The following LGR5 variants were observed in gnomAD, a reference collection of about 807,000 sequenced individuals.
LGR5 encodes the protein leucine rich repeat containing G protein-coupled receptor 5.
Under a neutral mutation model 76.7 loss-of-function variants are expected in LGR5, and 54 were observed. The observed-to-expected ratio is 0.70, with a 90% CI of 0.57 to 0.88. The LOEUF is 0.88. Ranked by LOEUF, LGR5 falls within the 40% of genes least tolerant of loss-of-function variation. LGR5 has a pLI of 0.00. For synonymous variants in LGR5, 406 were observed against 421.9 expected, an observed-to-expected ratio of 0.96 and a Z score of 0.46; for missense variants, 1,078 against 1,073.3, an observed-to-expected ratio of 1.00 and a Z score of -0.06.
At chr12:71,463,675 A>G (rs1872757007) in intron 1 of LGR5, among the ~76,000 whole-genome samples, 2 of 152,166 alleles carry the variant, frequency 1.3e-5, no homozygotes, top group Non-Finnish European at 2.9e-5. Flanking sequence ...CCAATTTACG[A>G]TAGTACTACA....
At chr12:71,525,363 G>T (rs1350313363) in intron 3 of LGR5, among the ~76,000 whole-genome samples, 4 of 151,536 alleles carry the variant, frequency 2.6e-5, no homozygotes. Context: ...TAGGAGATTG[G>T]GTTTGGTTTC....
At chr12:71,517,873 C>A (rs888266187) in intron 2 of LGR5, among the ~76,000 whole-genome samples, 26 of 151,516 alleles carry the variant, frequency 1.7e-4, no homozygotes, top group Non-Finnish European at 1.3e-4. Flanking sequence ...ATAATGTAAC[C>A]ATAAGTATAA....
At chr12:71,446,526 T>C (rs1353137512) in intron 1 of LGR5, among the ~76,000 whole-genome samples, 1 of 152,188 alleles carries the variant, frequency 6.6e-6, no homozygotes, top group Non-Finnish European at 1.5e-5. Context: ...ATAGTACCTC[T>C]TATTAGGTAA....
At chr12:71,466,255 G>A (rs1262103395) in intron 1 of LGR5, among the ~76,000 whole-genome samples, 2 of 152,194 alleles carry the variant, frequency 1.3e-5, no homozygotes, top group Non-Finnish European at 2.9e-5. Context: ...GAAGGAGCAA[G>A]GAGGATTATG....
intron 4 of LGR5, among the ~76,000 whole-genome samples, chr12:71,551,461 C>T (rs193007639): frequency 1.4e-3 from 214 of 152,288 alleles, no homozygotes; most frequent in Non-Finnish European, 2.7e-3. Flanking sequence ...CTACTCCTTC[C>T]TAATACGTGG....
intron 4 of LGR5, among the ~76,000 whole-genome samples, chr12:71,552,640 C>G (rs953525117): frequency 4.6e-5 from 7 of 151,774 alleles, no homozygotes; most frequent in African/African-American, 7.3e-5. Context: ...GCTTACTGAA[C>G]AGCTTATTAG....
chr12:71,512,319 C>A (rs1027648053), intron 2 of LGR5, among the ~76,000 whole-genome samples: 3 of 152,192 alleles, frequency 2.0e-5, no homozygotes, highest in African/African-American at 7.2e-5. Context: ...ATTAACAAAT[C>A]ACCTGTCCTA....
At chr12:71,441,609 A>T (rs2137188731) in intron 1 of LGR5, 1 of 152,334 alleles carries the variant, frequency 6.6e-6, no homozygotes, top group East Asian at 1.9e-4. Context: ...GTGAGGAAGA[A>T]AAAAACATCT....
In LGR5 at chr12:71,553,289, G is replaced by A; in HGVS notation, c.644+1G>A. On this transcript the variant is annotated splice_donor_variant, in intron 5 of 17. Coordinates refer to ENST00000266674, the MANE Select transcript of LGR5 (RefSeq NM_003667.4). LOFTEE classifies it high-confidence loss of function. ...GAAACCTCTCCAGCTTGGTAGTTCTGTAAGTTTTATTGATTTTGCTCTCTT... is the reference window on the plus strand; with the variant it reads ...GAAACCTCTCCAGCTTGGTAGTTCTATAAGTTTTATTGATTTTGCTCTCTT... 6.2e-7 allele frequency: 1 copy of A among 1,612,280 alleles called. No individual in the cohort carries two copies. The highest frequency in any genetic ancestry group is 8.5e-7 in the Non-Finnish European group (1 of 1,178,476).
intron 1 of LGR5, among the ~76,000 whole-genome samples, chr12:71,466,818 G>A (rs1029163659): frequency 2.0e-5 from 3 of 152,050 alleles, no homozygotes; most frequent in African/African-American, 7.2e-5. Context: ...GGAACATAAC[G>A]ATGGCTCTTT....
intron 5 of LGR5, among the ~76,000 whole-genome samples, chr12:71,556,142 G>A (rs1877746178): frequency 6.6e-6 from 1 of 152,118 alleles, no homozygotes; most frequent in Non-Finnish European, 1.5e-5. Flanking sequence ...GACACACAGA[G>A]GGGAACAACA....
At chr12:71,481,913 C>A (rs1873624264) in intron 1 of LGR5, among the ~76,000 whole-genome samples, 1 of 152,142 alleles carries the variant, frequency 6.6e-6, no homozygotes, top group Non-Finnish European at 1.5e-5. Context: ...AACAGACACT[C>A]AATGACACAA....
At position 71,495,744 on chromosome 12, in the gene LGR5, C is replaced by T. The variant is rs140901162; in HGVS notation, c.213-8870C>T. Among the ~76,000 whole-genome samples the T allele has an allele frequency of 5.8e-3, 874 of 151,404 alleles. 62 individuals are homozygous for T. The highest frequency in any genetic ancestry group is 0.021 in the African/African-American group (854 of 40,684). ...AGACAAAATATCTACAGAATACACA[C>T]TTTTAACTATTAGACTATTAACTCT... On this transcript the variant is annotated intron_variant, in intron 1 of 17. Transcript: ENST00000266674.
intron 1 of LGR5, among the ~76,000 whole-genome samples, chr12:71,490,841 T>C (rs577510554): frequency 6.6e-6 from 1 of 152,316 alleles, no homozygotes; most frequent in Admixed American, 6.5e-5. Flanking sequence ...AAGGCCAGTT[T>C]TATTTGATGG....
intron 13 of LGR5, among the ~76,000 whole-genome samples, chr12:71,574,517 A>G (rs940920830): frequency 3.3e-5 from 5 of 152,028 alleles, no homozygotes; most frequent in African/African-American, 1.2e-4. Flanking sequence ...CATCCTCCCA[A>G]CCAGTCCTTC....
chr12:71,571,607 A>C, intron 12 of LGR5, 28 bp downstream of exon 12: 1 of 1,534,756 alleles, frequency 6.5e-7, no homozygotes, highest in South Asian at 1.1e-5. Flanking sequence ...TAAGTCACCT[A>C]GCAAAAATCA....
intron 1 of LGR5, among the ~76,000 whole-genome samples, chr12:71,484,113 A>G (rs1187019358): frequency 1.3e-5 from 2 of 152,208 alleles, no homozygotes; most frequent in Non-Finnish European, 2.9e-5. Context: ...ATGAAAGTTC[A>G]AGGCTAGAAA....
At chr12:71,450,650 T>C (rs1159226985) in intron 1 of LGR5, among the ~76,000 whole-genome samples, 1 of 152,162 alleles carries the variant, frequency 6.6e-6, no homozygotes, top group Non-Finnish European at 1.5e-5. Flanking sequence ...GTAATTAAAA[T>C]TTCATTTATG....
intron 3 of LGR5, among the ~76,000 whole-genome samples, chr12:71,526,791 G>C (rs921520677): frequency 6.6e-6 from 1 of 152,094 alleles, no homozygotes; most frequent in Non-Finnish European, 1.5e-5. Flanking sequence ...GGCTTCCTAG[G>C]AGAGAGGCTT....
Sources: allele counts gnomAD v4.1 joint callset (sites outside exome capture counted in the v4.1 genomes callset), GRCh38; gene constraint gnomAD v4.1.1; transcripts MANE v1.5; gene names NCBI Gene and HGNC (gene_info 2026-07-23, HGNC 2026-07-21).